Variants in FAR2 observed in about 807,000 individuals in gnomAD.
FAR2 encodes the protein fatty acyl-CoA reductase 2, also known as epididymis secretory protein Li 81.
A neutral mutation model predicts 56.0 loss-of-function variants in FAR2; 19 were observed. That is an observed-to-expected ratio of 0.34 (90% CI 0.24 to 0.50). FAR2 has a LOEUF of 0.50. FAR2 is among the 20% of genes least tolerant of loss of function. The pLI is 0.98. For synonymous variants in FAR2, 219 were observed against 218.8 expected (o/e 1.00, Z -0.01); for missense variants, 508 against 642.2 (o/e 0.79, Z 2.26).
chr12:29,275,642 G>C (rs1948697091), intron 2 of FAR2, among the ~76,000 whole-genome samples: 1 of 152,104 alleles, frequency 6.6e-6, no homozygotes, highest in Non-Finnish European at 1.5e-5. Flanking sequence ...CTTCTAGTAG[G>C]CCATCTTGGT....
intron 1 of FAR2, among the ~76,000 whole-genome samples, chr12:29,178,157 G>A (rs1259743700): frequency 6.7e-6 from 1 of 148,500 alleles, no homozygotes; most frequent in East Asian, 2.0e-4. Context: ...CTAAATGGAT[G>A]AGATTAGTTG....
At chr12:29,251,479 C>T (rs1031047605) in intron 1 of FAR2, among the ~76,000 whole-genome samples, 3 of 152,158 alleles carry the variant, frequency 2.0e-5, no homozygotes, top group Admixed American at 6.5e-5. Flanking sequence ...TTGTGGCCCT[C>T]CACTCAGAAT....
rs538088793 is a variant in FAR2 at position 29,179,605 on chromosome 12, A to C, written c.-39+30198A>C. Among the ~76,000 whole-genome samples, 126 of 152,308 alleles carry C rather than the reference A, an allele frequency of 8.3e-4. 1 individual carries two copies. Among genetic ancestry groups the C allele is most frequent in the African/African-American group, 2.9e-3 (119 of 41,572 alleles). ...TTGTTCACTTTCCACAACATCAGAG[A>C]GACACCTACCTACTCCGACCTTGTC... On this transcript the variant is annotated intron_variant, in intron 1 of 11. Coordinates refer to ENST00000536681, the MANE Select transcript of FAR2 (RefSeq NM_001271783.2).
chr12:29,154,350 C>T (rs765864822), intron 1 of FAR2, among the ~76,000 whole-genome samples: 5 of 151,740 alleles, frequency 3.3e-5, no homozygotes, highest in Non-Finnish European at 2.9e-5. Flanking sequence ...GAAAAGCTTC[C>T]CTGATGATAT....
chr12:29,312,340 A>C (rs1004089061), intron 8 of FAR2, among the ~76,000 whole-genome samples: 1 of 152,176 alleles, frequency 6.6e-6, no homozygotes, highest in Non-Finnish European at 1.5e-5. Flanking sequence ...CGACATCATC[A>C]ATGACCAATG....
At chr12:29,194,637 A>T (rs1950130677) in intron 1 of FAR2, among the ~76,000 whole-genome samples, 1 of 152,038 alleles carries the variant, frequency 6.6e-6, no homozygotes. Context: ...TCTCAAGTTG[A>T]AAATGTCTTG....
At chr12:29,290,469 T>C (rs747125121) in intron 2 of FAR2, among the ~76,000 whole-genome samples, 1 of 150,028 alleles carries the variant, frequency 6.7e-6, no homozygotes, top group Non-Finnish European at 1.5e-5. Flanking sequence ...AAGAAAGAAA[T>C]ACCATATGAT....
intron 4 of FAR2, among the ~76,000 whole-genome samples, chr12:29,298,036 C>CAAAAAAA (rs71042980): frequency 8.1e-6 from 1 of 123,598 alleles, no homozygotes; most frequent in African/African-American, 2.8e-5. Flanking sequence ...AACTCCGTCT[C>CAAAAAAA]AAAAAAAAAA....
At chr12:29,247,080 A>G (rs1410722197) in intron 1 of FAR2, among the ~76,000 whole-genome samples, 3 of 152,172 alleles carry the variant, frequency 2.0e-5, no homozygotes, top group Non-Finnish European at 4.4e-5. Context: ...CATATTTCCT[A>G]AGAGACTGCC....
Position 29,255,705 on chromosome 12 carries a change from A to C in FAR2, c.-38-14707A>C, listed in dbSNP as rs549767799. Among the ~76,000 whole-genome samples, 3 of 152,000 alleles carry C rather than the reference A, an allele frequency of 2.0e-5. No homozygotes were observed. The East Asian group carries it at 5.8e-4, about 29-fold the overall frequency. On this transcript the variant is annotated intron_variant, in intron 1 of 11. Coordinates refer to ENST00000536681, the MANE Select transcript of FAR2 (RefSeq NM_001271783.2). ...AATAGCACAATCTCAGCTCACTGCA[A>C]CTTCTGCCTCCCAGGTACATGCGAT...
chr12:29,230,707 G>A (rs1181441846), intron 1 of FAR2, among the ~76,000 whole-genome samples: 1 of 152,082 alleles, frequency 6.6e-6, no homozygotes, highest in African/African-American at 2.4e-5. Flanking sequence ...AGAGCTGATG[G>A]GATTTGCCAA....
intron 1 of FAR2, among the ~76,000 whole-genome samples, chr12:29,227,822 C>G (rs182647910): frequency 1.4e-3 from 213 of 151,370 alleles, no homozygotes; most frequent in Non-Finnish European, 2.2e-3. Context: ...AGACTTAACA[C>G]TAGAACCAAA....
At chr12:29,161,265 C>G (rs1015314001) in intron 1 of FAR2, among the ~76,000 whole-genome samples, 1 of 152,188 alleles carries the variant, frequency 6.6e-6, no homozygotes, top group African/African-American at 2.4e-5. Flanking sequence ...TATAAGCTCC[C>G]CTCATACTCC....
intron 4 of FAR2, chr12:29,301,895 T>C (rs1949171045): frequency 6.6e-6 from 1 of 152,188 alleles, no homozygotes; most frequent in Non-Finnish European, 1.5e-5. Context: ...CTGAAGCCCA[T>C]GGTCTTTCCA....
intron 1 of FAR2, among the ~76,000 whole-genome samples, chr12:29,251,524 A>G (rs1458369803): frequency 6.6e-6 from 1 of 152,168 alleles, no homozygotes. Context: ...TTTAGTTTAG[A>G]TCTGTCTCAC....
Position 29,186,842 on chromosome 12 carries a change from G to T in FAR2, c.-39+37435G>T, listed in dbSNP as rs541605493. On this transcript the variant is annotated intron_variant, in intron 1 of 11. Transcript: ENST00000536681. ...CTCGCTCTGTCGCCCAGGCTGGAGT[G>T]CAGTGGCGCAATCTCGGCTCACTGT... Among the ~76,000 whole-genome samples the T allele has an allele frequency of 2.0e-5, 3 of 151,994 alleles. No individual in the cohort carries two copies. The South Asian group carries it at 6.2e-4, about 32-fold the overall frequency.
chr12:29,200,104 C>T (rs1454386460), intron 1 of FAR2, among the ~76,000 whole-genome samples: 1 of 152,148 alleles, frequency 6.6e-6, no homozygotes, highest in Non-Finnish European at 1.5e-5. Flanking sequence ...TTAAGGGTGG[C>T]ACTTAAGGGA....
chr12:29,325,026 A>G (rs1294790234), intron 10 of FAR2, among the ~76,000 whole-genome samples: 2 of 152,184 alleles, frequency 1.3e-5, no homozygotes, highest in African/African-American at 4.8e-5. Context: ...AGAGACACAC[A>G]TAGGCTCAAA....
intron 1 of FAR2, among the ~76,000 whole-genome samples, chr12:29,183,987 A>G (rs1172661832): frequency 1.3e-5 from 2 of 152,234 alleles, no homozygotes; most frequent in Admixed American, 6.5e-5. Context: ...ACAGATTTGG[A>G]ACTTGATAAG....
Sources: gnomAD v4.1 joint callset for allele counts (sites outside exome capture counted in the v4.1 genomes callset) on GRCh38, gnomAD v4.1.1 for gene constraint, MANE v1.5 for transcripts, NCBI Gene and HGNC (gene_info 2026-07-23, HGNC 2026-07-21) for gene names.